MINPP1: variants seen among roughly 807,000 people sequenced by gnomAD.
MINPP1 encodes the protein multiple inositol polyphosphate phosphatase 1.
In MINPP1, 28 loss-of-function variants were observed where a neutral mutation model predicts 46.1. That is an observed-to-expected ratio of 0.61 (90% CI 0.45 to 0.83). MINPP1 has a LOEUF of 0.83. Among genes scored for constraint, MINPP1 ranks in the 40% least tolerant of loss-of-function variants. MINPP1 has a pLI of 0.00. For missense variants in MINPP1, 603 were observed against 610.0 expected, an observed-to-expected ratio of 0.99 and a Z score of 0.12; for synonymous variants, 268 against 249.1, an observed-to-expected ratio of 1.08 and a Z score of -0.72.
intron 4 of MINPP1, among the ~76,000 whole-genome samples, chr10:87,536,332 A>C (rs1466355782): frequency 6.6e-6 from 1 of 152,230 alleles, no homozygotes; most frequent in East Asian, 1.9e-4. Flanking sequence ...GAGTCTTTGA[A>C]GTAGGCTACC....
At chr10:87,511,116 A>G (rs1851328299) in intron 2 of MINPP1, among the ~76,000 whole-genome samples, 1 of 152,138 alleles carries the variant, frequency 6.6e-6, no homozygotes, top group African/African-American at 2.4e-5. Flanking sequence ...TTCATTTTCT[A>G]TTGGGTTATT....
chr10:87,552,081 G>A lies in MINPP1; in HGVS notation c.1068-1G>A. 6.2e-7 allele frequency: 1 copy of A among 1,608,782 alleles called. No homozygotes were observed. The highest frequency in any genetic ancestry group is 8.5e-7 in the Non-Finnish European group (1 of 1,176,970). On this transcript the variant is annotated splice_acceptor_variant, in intron 4 of 4. Coordinates refer to ENST00000371996, the MANE Select transcript of MINPP1 (RefSeq NM_004897.5). LOFTEE classifies it high-confidence loss of function. Reference sequence around the variant, plus strand: ...TATTTTCTCTTAATTTCTATTTGAAGGTCTCAGCCAATTTCTTCTCCAGTC... The same window carrying A: ...TATTTTCTCTTAATTTCTATTTGAAAGTCTCAGCCAATTTCTTCTCCAGTC...
intron 4 of MINPP1, among the ~76,000 whole-genome samples, chr10:87,526,528 G>A (rs190670973): frequency 2.0e-5 from 3 of 152,258 alleles, no homozygotes; most frequent in East Asian, 1.9e-4. Context: ...TTCTTTTGCC[G>A]TGCAGAAGCT....
At chr10:87,518,961 T>C (rs1851454184) in intron 3 of MINPP1, among the ~76,000 whole-genome samples, 1 of 151,976 alleles carries the variant, frequency 6.6e-6, no homozygotes, top group African/African-American at 2.4e-5. Flanking sequence ...AAGTATTCCT[T>C]CCCCCCAGGA....
At chr10:87,540,470 G>A (rs3847451) in intron 4 of MINPP1, among the ~76,000 whole-genome samples, 1,698 of 107,534 alleles carry the variant, frequency 0.016, 35 homozygotes, top group African/African-American at 0.048. Flanking sequence ...TCCTCTCTCT[G>A]TCTCTGTCTC....
intron 4 of MINPP1, among the ~76,000 whole-genome samples, chr10:87,551,394 TTAA>T (rs1283671194): frequency 7.2e-5 from 11 of 152,072 alleles, no homozygotes; most frequent in Admixed American, 6.6e-4. Flanking sequence ...TCACTGCTTC[TTAA>T]TAAAAATTCT....
intron 3 of MINPP1, among the ~76,000 whole-genome samples, chr10:87,517,089 G>A (rs1186371795): frequency 6.6e-5 from 10 of 151,928 alleles, no homozygotes; most frequent in Admixed American, 1.3e-4. Flanking sequence ...AGAGAGAGAG[G>A]ATCAGGAAAA....
At chr10:87,520,892 T>G (rs1277959719) in intron 3 of MINPP1, 144 bp from the exon 4 acceptor site, 2 of 509,950 alleles carry the variant, frequency 3.9e-6, no homozygotes, top group Non-Finnish European at 7.0e-6. Flanking sequence ...GGACCAACTC[T>G]TAAATGCTGG....
chr10:87,538,144 T>G (rs1178062551), intron 4 of MINPP1, among the ~76,000 whole-genome samples: 1 of 151,824 alleles, frequency 6.6e-6, no homozygotes, highest in African/African-American at 2.4e-5. Context: ...TTTTCAATGT[T>G]TTTTCTCCGG....
intron 4 of MINPP1, among the ~76,000 whole-genome samples, chr10:87,536,994 C>T (rs966262149): frequency 6.6e-5 from 10 of 151,876 alleles, no homozygotes; most frequent in African/African-American, 1.5e-4. Flanking sequence ...TAGAGTGCAG[C>T]GGCACGATCT....
intron 4 of MINPP1, among the ~76,000 whole-genome samples, chr10:87,548,937 T>C (rs1851925919): frequency 6.6e-6 from 1 of 152,210 alleles, no homozygotes. Context: ...GAAAATTGTC[T>C]GGAATTCTAA....
At position 87,505,917 on chromosome 10, in the gene MINPP1, C is replaced by G. The variant is rs146869361; in HGVS notation, c.637+365C>G. On this transcript the variant is annotated intron_variant, in intron 1 of 4. Coordinates refer to ENST00000371996, the MANE Select transcript of MINPP1 (RefSeq NM_004897.5). The surrounding 1 kb of genome is among the most constrained non-coding windows in gnomAD (Gnocchi z 4.4). ...TTCGAGCGCCAACCCATCCCTTCCC[C>G]CTTCCCTGGCGTCTAGTTTCACAAT... Among the ~76,000 whole-genome samples, 1,171 of 152,288 alleles carry G rather than the reference C, an allele frequency of 7.7e-3. 7 individuals carry two copies. Among genetic ancestry groups the G allele is most frequent in the Non-Finnish European group, 0.012 (834 of 68,028 alleles).
At chr10:87,541,935 A>G (rs1014754605) in intron 4 of MINPP1, among the ~76,000 whole-genome samples, 8 of 152,318 alleles carry the variant, frequency 5.3e-5, no homozygotes, top group Non-Finnish European at 1.0e-4. Context: ...ACGTTTCAAC[A>G]TGAGATTGGG....
chr10:87,508,138 G>T (rs1215719056), intron 1 of MINPP1, 198 bp from the exon 2 acceptor site: 2 of 1,531,392 alleles, frequency 1.3e-6, no homozygotes, highest in Non-Finnish European at 1.7e-6. Flanking sequence ...GCCTTTTCTA[G>T]CTATTCTCAT....
intron 4 of MINPP1, among the ~76,000 whole-genome samples, chr10:87,529,441 A>G (rs1851625164): frequency 6.6e-6 from 1 of 152,114 alleles, no homozygotes; most frequent in Non-Finnish European, 1.5e-5. Context: ...TTGTCTGTAA[A>G]GGATTTTATT....
chr10:87,521,510 T>C (rs1204019993), intron 4 of MINPP1, among the ~76,000 whole-genome samples: 1 of 152,214 alleles, frequency 6.6e-6, no homozygotes, highest in African/African-American at 2.4e-5. Context: ...TAAAACAGTT[T>C]ATATTATGAA....
chr10:87,533,854 T>C (rs1389752570), intron 4 of MINPP1, among the ~76,000 whole-genome samples: 2 of 152,104 alleles, frequency 1.3e-5, no homozygotes, highest in African/African-American at 4.8e-5. Flanking sequence ...CAAGTGATTT[T>C]AGTTATTTGG....
intron 4 of MINPP1, among the ~76,000 whole-genome samples, chr10:87,527,339 G>T (rs1316399372): frequency 6.6e-6 from 1 of 152,182 alleles, no homozygotes; most frequent in East Asian, 1.9e-4. Context: ...AGGCATCCCT[G>T]TCTTGTGCCA....
chr10:87,535,059 T>C (rs943073954), intron 4 of MINPP1, among the ~76,000 whole-genome samples: 2 of 152,234 alleles, frequency 1.3e-5, no homozygotes, highest in Non-Finnish European at 2.9e-5. Flanking sequence ...GAAAGTAATT[T>C]AGTCAAAAGC....
Sources: allele counts gnomAD v4.1 joint callset (sites outside exome capture counted in the v4.1 genomes callset), GRCh38; gene constraint gnomAD v4.1.1; non-coding constraint Gnocchi (gnomAD v3.1); transcripts MANE v1.5; gene names NCBI Gene and HGNC (gene_info 2026-07-23, HGNC 2026-07-21).